ABHD6: variants seen among roughly 807,000 people sequenced by gnomAD.
ABHD6 encodes abhydrolase domain containing 6, acylglycerol lipase, also known as monoacylglycerol lipase ABHD6.
In ABHD6, 33 loss-of-function variants were observed where a neutral mutation model predicts 38.8. The observed-to-expected ratio is 0.85, with a 90% CI of 0.64 to 1.14. ABHD6 has a LOEUF of 1.14. Ranked by LOEUF, ABHD6 falls within the 50% of genes most tolerant of loss-of-function variation. The probability of loss-of-function intolerance (pLI) is 0.00; values close to 1 mark genes in which losing one functional copy is unlikely to be tolerated. For synonymous variants in ABHD6, 147 were observed against 161.6 expected (o/e 0.91, Z 0.69); for missense variants, 380 against 422.6 (o/e 0.90, Z 0.88).
rs565999330 is a variant in ABHD6 at position 58,251,009 on chromosome 3, C to G, written c.-26+1067C>G. 6.6e-6 allele frequency among the ~76,000 whole-genome samples: 1 copy of G among 152,200 alleles called. No individual in the cohort carries two copies. The highest frequency in any genetic ancestry group is 1.9e-4 in the East Asian group (1 of 5,174). On this transcript the variant is annotated intron_variant, in intron 2 of 9. Coordinates refer to ENST00000478253, the MANE Select transcript of ABHD6 (RefSeq NM_001320126.2). The surrounding 1 kb of genome is among the most constrained non-coding windows in gnomAD (Gnocchi z 5.4). The stretch of plus-strand genomic sequence containing the variant: ...TGGCATCTAGGAGGTTAGACTGATG[C>G]AATTACTGTCAGCAGAAATCAGTAA...
intron 9 of ABHD6, among the ~76,000 whole-genome samples, chr3:58,286,155 G>A (rs1331624924): frequency 1.3e-5 from 2 of 152,110 alleles, no homozygotes; most frequent in African/African-American, 4.8e-5. Context: ...AAGTAGCTGG[G>A]ACTACAGGCA....
At chr3:58,272,787 A>T (rs1470677196) in intron 6 of ABHD6, among the ~76,000 whole-genome samples, 1 of 152,228 alleles carries the variant, frequency 6.6e-6, no homozygotes, top group East Asian at 1.9e-4. Context: ...AGTAGAAATA[A>T]ATTCAGGATT....
At chr3:58,258,428 GC>G (rs1235607398) in intron 3 of ABHD6, 4 of 409,400 alleles carry the variant, frequency 9.8e-6, no homozygotes, top group Non-Finnish European at 1.5e-5. Flanking sequence ...AGATGTAGCA[GC>G]CCTGAGCTGA....
rs1273760442 is a variant in ABHD6 at position 58,267,959 on chromosome 3, G to C, written c.276+614G>C. Among the ~76,000 whole-genome samples the C allele has an allele frequency of 6.6e-6, 1 of 152,198 alleles. No individual in the cohort carries two copies. The highest frequency in any genetic ancestry group is 2.4e-5 in the African/African-American group (1 of 41,454). On this transcript the variant is annotated intron_variant, in intron 4 of 9. Coordinates refer to ENST00000478253, the MANE Select transcript of ABHD6 (RefSeq NM_001320126.2). The surrounding 1 kb of genome is among the most constrained non-coding windows in gnomAD (Gnocchi z 4.3). ...ATGGTGGCATGCACCTGTAGTCCCA[G>C]CTACTTTGGAGGCTGAGATGGGAGA...
chr3:58,290,817 G>A (rs61947642), intron 9 of ABHD6, among the ~76,000 whole-genome samples: 1 of 150,692 alleles, frequency 6.6e-6, no homozygotes, highest in East Asian at 2.0e-4. Context: ...TTCCTAGATG[G>A]GATGGCGGCC....
intron 6 of ABHD6, 39 bp from the exon 7 acceptor site, chr3:58,274,619 T>C (rs367591794): frequency 5.6e-6 from 9 of 1,598,574 alleles, no homozygotes; most frequent in Non-Finnish European, 7.7e-6. Context: ...GGTAAGAAGG[T>C]GGATGTATCA....
At position 58,251,520 on chromosome 3, in the gene ABHD6, C is replaced by T. The variant is rs932625062; in HGVS notation, c.-26+1578C>T. 2.6e-5 allele frequency among the ~76,000 whole-genome samples: 4 copies of T among 152,202 alleles called. No individual in the cohort carries two copies. Among genetic ancestry groups the T allele is most frequent in the Non-Finnish European group, 5.9e-5 (4 of 68,036 alleles). On this transcript the variant is annotated intron_variant, in intron 2 of 9. Coordinates refer to ENST00000478253, the MANE Select transcript of ABHD6 (RefSeq NM_001320126.2). This position sits in a 1 kb window ranked among gnomAD's most constrained non-coding sequence, Gnocchi z 5.4. Reference sequence around the variant, plus strand: ...AAAGAAAATTGTGAGATGTGCCTTACTCCTAACCCCAGATTAAACTTCATT... The same window carrying T: ...AAAGAAAATTGTGAGATGTGCCTTATTCCTAACCCCAGATTAAACTTCATT...
intron 9 of ABHD6, among the ~76,000 whole-genome samples, chr3:58,290,079 C>T (rs1424971076): frequency 3.2e-5 from 4 of 125,302 alleles, no homozygotes; most frequent in African/African-American, 6.7e-5. Flanking sequence ...GGCGGCTGGC[C>T]GGGCAGAGAG....
chr3:58,283,959 G>A (rs2097455130), intron 7 of ABHD6, among the ~76,000 whole-genome samples: 1 of 152,206 alleles, frequency 6.6e-6, no homozygotes, highest in Non-Finnish European at 1.5e-5. Context: ...CAGAGGGTTG[G>A]TTTAGTCCAT....
chr3:58,240,620 A>G (rs1439480560), intron 1 of ABHD6, among the ~76,000 whole-genome samples: 1 of 151,934 alleles, frequency 6.6e-6, no homozygotes, highest in Non-Finnish European at 1.5e-5. Flanking sequence ...GCTGGAGTGC[A>G]GTGGAGCAAT....
rs2097442008 is a variant in ABHD6 at position 58,267,558 on chromosome 3, A to G, written c.276+213A>G. 6.6e-6 allele frequency among the ~76,000 whole-genome samples: 1 copy of G among 151,998 alleles called. No individual in the cohort carries two copies. The highest frequency in any genetic ancestry group is 1.5e-5 in the Non-Finnish European group (1 of 67,984). ...TGCATGCCTGTAGTCCTGGCTACTCAGGAGACTGAGGTGGGAAGATTGCTT... is the reference window on the plus strand; with the variant it reads ...TGCATGCCTGTAGTCCTGGCTACTCGGGAGACTGAGGTGGGAAGATTGCTT... On this transcript the variant is annotated intron_variant, in intron 4 of 9. Coordinates refer to ENST00000478253, the MANE Select transcript of ABHD6 (RefSeq NM_001320126.2). The surrounding 1 kb of genome is among the most constrained non-coding windows in gnomAD (Gnocchi z 4.3).
At position 58,269,160 on chromosome 3, in the gene ABHD6, C is replaced by T. The variant is rs962354985; in HGVS notation, c.277-161C>T. Among the ~76,000 whole-genome samples, 1 of 152,204 alleles carries T rather than the reference C, an allele frequency of 6.6e-6. No homozygotes were observed. Among genetic ancestry groups the T allele is most frequent in the Non-Finnish European group, 1.5e-5 (1 of 68,038 alleles). ...CCTCTGCTCCCGATGAGGCTACTGG[C>T]AATGCTTATTCAATTACTGGGGTAA... On this transcript the variant is annotated intron_variant, in intron 4 of 9. Transcript: ENST00000478253. This position sits in a 1 kb window ranked among gnomAD's most constrained non-coding sequence, Gnocchi z 4.4.
chr3:58,244,848 T>G (rs2097425235), intron 1 of ABHD6, among the ~76,000 whole-genome samples: 1 of 152,196 alleles, frequency 6.6e-6, no homozygotes, highest in Non-Finnish European at 1.5e-5. Flanking sequence ...ATAGATTCGA[T>G]TTTTGTTTTA....
At chr3:58,291,697 TG>T (rs1211632331) in intron 9 of ABHD6, among the ~76,000 whole-genome samples, 1 of 152,240 alleles carries the variant, frequency 6.6e-6, no homozygotes, top group Non-Finnish European at 1.5e-5. Flanking sequence ...ATGATGGATT[TG>T]TAACGCTAAC....
intron 1 of ABHD6, among the ~76,000 whole-genome samples, chr3:58,241,324 C>T (rs1297006367): frequency 3.9e-5 from 6 of 152,152 alleles, no homozygotes; most frequent in Non-Finnish European, 5.9e-5. Context: ...TCCTATTTGA[C>T]GCTTCCCAAT....
chr3:58,241,712 G>A (rs2097422939), intron 1 of ABHD6, among the ~76,000 whole-genome samples: 1 of 152,216 alleles, frequency 6.6e-6, no homozygotes. Context: ...GACTACTCAG[G>A]CATCTCAATA....
rs2097434453 is a variant in ABHD6, at chr3:58,257,920, A to G, written c.119+1215A>G. Among the ~76,000 whole-genome samples the G allele has an allele frequency of 6.6e-6, 1 of 152,158 alleles. No individual in the cohort carries two copies. The highest frequency in any genetic ancestry group is 2.4e-5 in the African/African-American group (1 of 41,420). On this transcript the variant is annotated intron_variant, in intron 3 of 9. Transcript: ENST00000478253. The surrounding 1 kb of genome is among the most constrained non-coding windows in gnomAD (Gnocchi z 4.8). ...TTTATTTTGTATTTCCTTTAGAGTG[A>G]GCCATCTTTTTAAAAAAATCCTTAA...
Position 58,293,284 on chromosome 3 carries a change from C to T in ABHD6, c.838-305C>T, listed in dbSNP as rs1312790045. On this transcript the variant is annotated intron_variant, in intron 9 of 9. Coordinates refer to ENST00000478253, the MANE Select transcript of ABHD6 (RefSeq NM_001320126.2). The surrounding 1 kb of genome is among the most constrained non-coding windows in gnomAD (Gnocchi z 4.4). ...GTCTTCCCTCGACCCTGCTCATCCCCTGTGCTCTCTGACTTCCCCACCATA... is the reference window on the plus strand; with the variant it reads ...GTCTTCCCTCGACCCTGCTCATCCCTTGTGCTCTCTGACTTCCCCACCATA... Among the ~76,000 whole-genome samples, 1 of 152,200 alleles carries T rather than the reference C, an allele frequency of 6.6e-6. No homozygotes were observed. Among genetic ancestry groups the T allele is most frequent in the South Asian group, 2.1e-4 (1 of 4,830 alleles).
intron 9 of ABHD6, among the ~76,000 whole-genome samples, chr3:58,292,872 C>T (rs1047666408): frequency 7.2e-5 from 11 of 152,138 alleles, no homozygotes; most frequent in Non-Finnish European, 1.2e-4. Flanking sequence ...GTTGAGATCA[C>T]GCCACTTCAT....
Sources: allele counts gnomAD v4.1 joint callset (sites outside exome capture counted in the v4.1 genomes callset), GRCh38; gene constraint gnomAD v4.1.1; non-coding constraint Gnocchi (gnomAD v3.1); transcripts MANE v1.5; gene names NCBI Gene and HGNC (gene_info 2026-07-23, HGNC 2026-07-21).